The following ULK4 variants were observed in gnomAD, a reference collection of about 807,000 sequenced individuals.
The protein encoded by ULK4 is unc-51 like kinase 4, also known as inactive serine/threonine-protein kinase ULK4.
A neutral mutation model predicts 160.6 loss-of-function variants in ULK4; 133 were observed. The ratio of observed to expected loss-of-function variants is 0.83; its 90% CI spans 0.72 to 0.96. The LOEUF (loss-of-function observed/expected upper bound fraction) is 0.96, where lower values mean the gene tolerates loss of function less well. Among genes scored for constraint, ULK4 ranks in the 40% least tolerant of loss-of-function variants. ULK4 has a pLI of 0.00. For synonymous variants in ULK4, 534 were observed against 539.8 expected (o/e 0.99, Z 0.15); for missense variants, 1,580 against 1,499.5 (o/e 1.05, Z -0.89).
chr3:41,895,461 C>G, intron 16 of ULK4, 57 bp downstream of exon 16: 1 of 956,320 alleles, frequency 1.0e-6, no homozygotes, highest in Non-Finnish European at 1.5e-6. Context: ...AATATGTGCT[C>G]TGTAACTACT....
intron 21 of ULK4, among the ~76,000 whole-genome samples, chr3:41,787,244 T>C (rs1353036069): frequency 3.3e-5 from 5 of 152,054 alleles, no homozygotes; most frequent in African/African-American, 1.2e-4. Context: ...GGGGCTTTCA[T>C]CCCAACCCAA....
chr3:41,384,739 C>T (rs2081761329), intron 35 of ULK4, among the ~76,000 whole-genome samples: 2 of 152,168 alleles, frequency 1.3e-5, no homozygotes, highest in Non-Finnish European at 2.9e-5. Context: ...CACCCGCCAT[C>T]ACTCCTGGCT....
At chr3:41,639,108 T>C (rs1176914839) in intron 30 of ULK4, among the ~76,000 whole-genome samples, 1 of 152,208 alleles carries the variant, frequency 6.6e-6, no homozygotes, top group Non-Finnish European at 1.5e-5. Context: ...TCAGGAGATT[T>C]TGTGTAGCTA....
At chr3:41,315,016 A>T (rs961128939) in intron 35 of ULK4, among the ~76,000 whole-genome samples, 1 of 152,220 alleles carries the variant, frequency 6.6e-6, no homozygotes, top group Admixed American at 6.5e-5. Context: ...AAAATTACTT[A>T]TAAATTCATT....
At chr3:41,315,385 CTT>C (rs1381229139) in intron 35 of ULK4, among the ~76,000 whole-genome samples, 5 of 152,166 alleles carry the variant, frequency 3.3e-5, no homozygotes, top group African/African-American at 1.2e-4. Context: ...AGTAGTTACT[CTT>C]TTGAGTAAAA....
chr3:41,526,844 C>T (rs1235560239), intron 32 of ULK4, among the ~76,000 whole-genome samples: 3 of 152,060 alleles, frequency 2.0e-5, no homozygotes, highest in African/African-American at 7.2e-5. Context: ...AATTGTGTTT[C>T]TGTTGTTTTA....
chr3:41,513,281 A>G (rs752828683), intron 32 of ULK4, among the ~76,000 whole-genome samples: 3 of 152,230 alleles, frequency 2.0e-5, no homozygotes, highest in Non-Finnish European at 4.4e-5. Context: ...AATGCAACAA[A>G]AAACAAAGAT....
At chr3:41,534,546 C>T (rs1176986272) in intron 32 of ULK4, among the ~76,000 whole-genome samples, 3 of 146,966 alleles carry the variant, frequency 2.0e-5, no homozygotes, top group Non-Finnish European at 4.5e-5. Context: ...CTACATAATG[C>T]ATTTACATGC....
At chr3:41,342,419 T>C (rs1167587944) in intron 35 of ULK4, among the ~76,000 whole-genome samples, 1 of 152,188 alleles carries the variant, frequency 6.6e-6, no homozygotes, top group East Asian at 1.9e-4. Flanking sequence ...TTAGAGGCCT[T>C]TAATAATTAG....
chr3:41,679,282 G>A (rs1368826109), intron 29 of ULK4, among the ~76,000 whole-genome samples: 4 of 152,108 alleles, frequency 2.6e-5, no homozygotes, highest in Non-Finnish European at 5.9e-5. Flanking sequence ...ACACTGTACC[G>A]TTTCAAAAGA....
chr3:41,782,628 G>C (rs2039884495), intron 21 of ULK4, among the ~76,000 whole-genome samples: 1 of 152,148 alleles, frequency 6.6e-6, no homozygotes, highest in Non-Finnish European at 1.5e-5. Flanking sequence ...ATGTGAAAGA[G>C]TTTAATTTTA....
At chr3:41,859,425 C>A in intron 17 of ULK4, 1 of 559,762 alleles carries the variant, frequency 1.8e-6, no homozygotes. Context: ...TGAGTTGGGC[C>A]AGAATTGAAA....
chr3:41,319,612 G>C (rs1019714143), intron 35 of ULK4, among the ~76,000 whole-genome samples: 1 of 152,192 alleles, frequency 6.6e-6, no homozygotes, highest in African/African-American at 2.4e-5. Flanking sequence ...ATCTGCCAAA[G>C]CAAAGGCTAT....
intron 29 of ULK4, among the ~76,000 whole-genome samples, chr3:41,667,394 A>G (rs2035381694): frequency 6.6e-6 from 1 of 152,250 alleles, no homozygotes; most frequent in Non-Finnish European, 1.5e-5. Flanking sequence ...TATTGAATAT[A>G]TTTTAGTTTA....
intron 11 of ULK4, among the ~76,000 whole-genome samples, chr3:41,909,180 A>C (rs530981248): frequency 3.3e-5 from 5 of 151,668 alleles, no homozygotes; most frequent in African/African-American, 1.2e-4. Flanking sequence ...AGAATAGCTT[A>C]AACAGTGTAG....
intron 31 of ULK4, among the ~76,000 whole-genome samples, chr3:41,590,203 CCT>C (rs2031179906): frequency 6.6e-6 from 1 of 151,632 alleles, no homozygotes; most frequent in Non-Finnish European, 1.5e-5. Flanking sequence ...AGGGTTTTAC[CCT>C]GTTAGCCAGG....
intron 35 of ULK4, among the ~76,000 whole-genome samples, chr3:41,271,613 C>T (rs2079139179): frequency 6.6e-6 from 1 of 152,148 alleles, no homozygotes; most frequent in Non-Finnish European, 1.5e-5. Context: ...AGGCTGGTCT[C>T]AAACTCCTGA....
intron 21 of ULK4, among the ~76,000 whole-genome samples, chr3:41,771,612 T>A (rs9837273): frequency 6.7e-6 from 1 of 148,220 alleles, no homozygotes; most frequent in Non-Finnish European, 1.5e-5. Context: ...AATCATACTG[T>A]GTGCGAGTAA....
In ULK4 at chr3:41,524,260, G is replaced by A. The variant is rs142343014; in HGVS notation, c.3226+41765C>T. 2.8e-3 allele frequency among the ~76,000 whole-genome samples: 421 copies of A among 152,298 alleles called. 1 individual carries two copies. The highest frequency in any genetic ancestry group is 9.1e-3 in the African/African-American group (380 of 41,550). On this transcript the variant is annotated intron_variant, in intron 32 of 36. Coordinates refer to ENST00000301831, the MANE Select transcript of ULK4 (RefSeq NM_017886.4). ...TAAATGGGTGAACTGTGTGGTATGT[G>A]ATATATATCTCACTATAGCTATTTT...
Sources: gnomAD v4.1 joint callset for allele counts (sites outside exome capture counted in the v4.1 genomes callset) on GRCh38, gnomAD v4.1.1 for gene constraint, MANE v1.5 for transcripts, NCBI Gene and HGNC (gene_info 2026-07-23, HGNC 2026-07-21) for gene names.